Variants in SLIT1 observed in about 807,000 individuals in gnomAD.
SLIT1 encodes slit homolog 1 protein.
A neutral mutation model predicts 186.1 loss-of-function variants in SLIT1; 66 were observed. The observed-to-expected ratio is 0.35, with a 90% CI of 0.29 to 0.44. The LOEUF is 0.44. Ranked by LOEUF, SLIT1 falls within the 20% of genes least tolerant of loss-of-function variation. The pLI is 1.00. For synonymous variants in SLIT1, 761 were observed against 833.8 expected, an observed-to-expected ratio of 0.91 and a Z score of 1.50; for missense variants, 1,638 against 2,037.4, an observed-to-expected ratio of 0.80 and a Z score of 3.77.
intron 4 of SLIT1, among the ~76,000 whole-genome samples, chr10:97,094,705 G>C (rs757916442): frequency 2.0e-5 from 3 of 152,204 alleles, no homozygotes; most frequent in Non-Finnish European, 2.9e-5. Context: ...ACAGTGCCTA[G>C]GGAGAAATCA....
intron 4 of SLIT1, among the ~76,000 whole-genome samples, chr10:97,077,340 G>A (rs529784215): frequency 8.5e-5 from 13 of 152,072 alleles, no homozygotes; most frequent in African/African-American, 2.4e-4. Flanking sequence ...GCTTGGCTGC[G>A]GTCCTTTGAG....
At chr10:97,129,955 G>C (rs1206686845) in intron 4 of SLIT1, among the ~76,000 whole-genome samples, 1 of 152,078 alleles carries the variant, frequency 6.6e-6, no homozygotes, top group Non-Finnish European at 1.5e-5. Context: ...TACTCACCCG[G>C]TTCTCAGGCC....
Position 97,063,638 on chromosome 10 carries a change from C to T in SLIT1, c.630-20G>A, listed in dbSNP as rs1283458406. ...AGGCGGCTGCAAGAGGACAGGATGG[C>T]TCACAACCCATCTGGATCCCCCAGC... On this transcript the variant is annotated intron_variant, in intron 7 of 36. Coordinates refer to ENST00000266058, the MANE Select transcript of SLIT1 (RefSeq NM_003061.3). 2.5e-6 allele frequency: 4 copies of T among 1,575,464 alleles called. No individual in the cohort carries two copies. The Admixed American group carries it at 5.3e-5, about 21-fold the overall frequency.
At chr10:97,090,591 G>C (rs1028318412) in intron 4 of SLIT1, among the ~76,000 whole-genome samples, 1 of 4,042 alleles carries the variant, frequency 2.5e-4, no homozygotes, top group African/African-American at 2.6e-4. Context: ...CTGGATTATA[G>C]GGTGTTGGGG....
chr10:97,100,286 C>T (rs950438541), intron 4 of SLIT1, among the ~76,000 whole-genome samples: 22 of 152,124 alleles, frequency 1.4e-4, no homozygotes, highest in African/African-American at 5.3e-4. Context: ...AGGAGTGGTT[C>T]ACCTGTGTGC....
At chr10:97,032,779 CTG>C (rs1331753982) in intron 23 of SLIT1, among the ~76,000 whole-genome samples, 1 of 152,180 alleles carries the variant, frequency 6.6e-6, no homozygotes, top group Non-Finnish European at 1.5e-5. Flanking sequence ...GATGAGCAAA[CTG>C]TGGCACATCC....
chr10:97,141,650 T>A (rs1033912966), intron 4 of SLIT1, among the ~76,000 whole-genome samples: 1 of 149,094 alleles, frequency 6.7e-6, no homozygotes, highest in African/African-American at 2.5e-5. Flanking sequence ...CTGTATTGCA[T>A]TGTATTGTAT....
intron 4 of SLIT1, among the ~76,000 whole-genome samples, chr10:97,095,167 C>CA (rs1307113541): frequency 6.6e-6 from 1 of 152,206 alleles, no homozygotes; most frequent in Non-Finnish European, 1.5e-5. Context: ...CCTGTAGTCC[C>CA]AGCTACTAGG....
At chr10:97,105,084 G>C (rs773579339) in intron 4 of SLIT1, among the ~76,000 whole-genome samples, 1 of 152,178 alleles carries the variant, frequency 6.6e-6, no homozygotes, top group African/African-American at 2.4e-5. Context: ...AGACCTGGCC[G>C]ATACTCAGCC....
chr10:97,090,470 G>A (rs147580363), intron 4 of SLIT1, among the ~76,000 whole-genome samples: 86 of 152,288 alleles, frequency 5.6e-4, no homozygotes, highest in African/African-American at 1.9e-3. Flanking sequence ...GGAGAGCCTC[G>A]GAGGCATGGC....
At chr10:97,040,165 C>A (rs200484800) in intron 20 of SLIT1, 45 bp from the exon 21 acceptor site, 3 of 1,495,002 alleles carry the variant, frequency 2.0e-6, no homozygotes, top group African/African-American at 2.8e-5. Context: ...GTGGACGGGC[C>A]GCTGTAGGGC....
intron 4 of SLIT1, among the ~76,000 whole-genome samples, chr10:97,119,691 C>T (rs139051172): frequency 6.7e-6 from 1 of 149,958 alleles, no homozygotes; most frequent in African/African-American, 2.5e-5. Flanking sequence ...GGCTCAGCAG[C>T]GGTGGGGAGG....
intron 16 of SLIT1, 142 bp downstream of exon 16, chr10:97,047,548 G>A (rs947150497): frequency 3.7e-6 from 3 of 816,374 alleles, no homozygotes; most frequent in South Asian, 1.6e-5. Flanking sequence ...TCCTGCCCAA[G>A]CCAGCAGTTG....
At position 97,033,701 on chromosome 10, in the gene SLIT1, C is replaced by G. The variant is rs1224931158; in HGVS notation, c.2438+770G>C. 2.0e-5 allele frequency among the ~76,000 whole-genome samples: 3 copies of G among 151,912 alleles called. No homozygotes were observed. In the East Asian group the frequency reaches 5.8e-4, roughly 29 times the overall value. On this transcript the variant is annotated intron_variant, in intron 23 of 36. Transcript: ENST00000266058. Reference sequence around the variant, plus strand: ...TCCACTTGAACAAAGTGAAAATCGACAAAATTAGACTATATTATTTAGAAA... The same window carrying G: ...TCCACTTGAACAAAGTGAAAATCGAGAAAATTAGACTATATTATTTAGAAA...
intron 4 of SLIT1, among the ~76,000 whole-genome samples, chr10:97,072,939 C>A (rs1849012925): frequency 6.6e-6 from 1 of 152,192 alleles, no homozygotes; most frequent in South Asian, 2.1e-4. Context: ...TCACAACCTC[C>A]ATTTAGCAGC....
chr10:97,034,661 G>T, intron 22 of SLIT1, 119 bp from the exon 23 acceptor site: 1 of 842,618 alleles, frequency 1.2e-6, no homozygotes, highest in Non-Finnish European at 2.0e-6. Context: ...GTTGGCCAGG[G>T]GTGGAGAGGA....
intron 28 of SLIT1, among the ~76,000 whole-genome samples, chr10:97,017,848 CT>C (rs1177419241): frequency 1.9e-3 from 251 of 134,626 alleles, no homozygotes; most frequent in African/African-American, 2.1e-3. Context: ...ATTTTCTTTT[CT>C]TTTTTTTTTT....
intron 30 of SLIT1, 122 bp downstream of exon 30, chr10:97,013,619 A>G: frequency 1.4e-6 from 1 of 720,526 alleles, no homozygotes; most frequent in Admixed American, 2.2e-5. Flanking sequence ...AACCCTGTAG[A>G]GCTGAGACCA....
chr10:97,122,992 G>C (rs539862107), intron 4 of SLIT1, among the ~76,000 whole-genome samples: 254 of 152,306 alleles, frequency 1.7e-3, no homozygotes, highest in Non-Finnish European at 2.8e-3. Context: ...TATCCAGGAA[G>C]GAAAAGGGGC....
Sources: gnomAD v4.1 joint callset for allele counts (sites outside exome capture counted in the v4.1 genomes callset) on GRCh38, gnomAD v4.1.1 for gene constraint, MANE v1.5 for transcripts, NCBI Gene and HGNC (gene_info 2026-07-23, HGNC 2026-07-21) for gene names.